Variants in WWC2 observed in about 807,000 individuals in gnomAD.
WWC2 encodes the protein protein WWC2.
In WWC2, 101 loss-of-function variants were observed where a neutral mutation model predicts 138.5. The observed-to-expected ratio is 0.73, with a 90% CI of 0.62 to 0.86. The LOEUF is 0.86. WWC2 is among the 40% of genes least tolerant of loss of function. The pLI, the probability that WWC2 is intolerant of heterozygous loss-of-function variation, is 0.00. For synonymous variants in WWC2, 558 were observed against 538.4 expected, an observed-to-expected ratio of 1.04 and a Z score of -0.50; for missense variants, 1,420 against 1,419.4, an observed-to-expected ratio of 1.00 and a Z score of -0.01.
intron 1 of WWC2, among the ~76,000 whole-genome samples, chr4:183,114,759 G>C (rs184356128): frequency 4.7e-4 from 72 of 152,030 alleles, no homozygotes; most frequent in Admixed American, 3.7e-3. Context: ...CGGGGGTTTG[G>C]TGTACAAATT....
intron 16 of WWC2, among the ~76,000 whole-genome samples, chr4:183,273,959 G>T (rs182284101): frequency 6.6e-6 from 1 of 152,180 alleles, no homozygotes; most frequent in African/African-American, 2.4e-5. Context: ...TGGATATGCA[G>T]TTGTCCCAGC....
intron 1 of WWC2, among the ~76,000 whole-genome samples, chr4:183,140,714 T>C (rs1733276092): frequency 6.6e-6 from 1 of 152,218 alleles, no homozygotes. Context: ...AATAAGACCT[T>C]GGAAGAACAG....
intron 4 of WWC2, among the ~76,000 whole-genome samples, chr4:183,229,933 T>TC (rs1736192692): frequency 6.6e-6 from 1 of 152,008 alleles, no homozygotes; most frequent in Non-Finnish European, 1.5e-5. Context: ...CAAGCAATCC[T>TC]CCCACCTCAG....
intron 4 of WWC2, among the ~76,000 whole-genome samples, chr4:183,221,265 G>A (rs969126253): frequency 6.6e-6 from 1 of 152,166 alleles, no homozygotes; most frequent in African/African-American, 2.4e-5. Context: ...AAAGATGTAT[G>A]CACATGCTAA....
intron 21 of WWC2, among the ~76,000 whole-genome samples, chr4:183,296,005 C>T (rs1159809100): frequency 2.6e-5 from 4 of 152,214 alleles, no homozygotes; most frequent in Non-Finnish European, 4.4e-5. Context: ...TTTTCACTTT[C>T]ATCTCCTAAT....
chr4:183,160,446 C>G (rs559631484), intron 1 of WWC2, among the ~76,000 whole-genome samples: 8 of 152,298 alleles, frequency 5.3e-5, no homozygotes, highest in African/African-American at 1.7e-4. Flanking sequence ...AGAGGTAGAC[C>G]TGCATGAAGC....
intron 4 of WWC2, among the ~76,000 whole-genome samples, chr4:183,235,065 A>G (rs1736374969): frequency 6.6e-6 from 1 of 152,202 alleles, no homozygotes; most frequent in Non-Finnish European, 1.5e-5. Context: ...GGAAATATTC[A>G]TTTCACTTAT....
chr4:183,287,997 G>T (rs1429636890), intron 20 of WWC2, among the ~76,000 whole-genome samples: 2 of 152,204 alleles, frequency 1.3e-5, no homozygotes, highest in Admixed American at 6.5e-5. Context: ...TGTATGTGGA[G>T]TCCTTAGGCT....
At chr4:183,237,924 T>C (rs1049138203) in intron 4 of WWC2, among the ~76,000 whole-genome samples, 2 of 152,174 alleles carry the variant, frequency 1.3e-5, no homozygotes, top group Non-Finnish European at 2.9e-5. Flanking sequence ...TCTCTGTCTC[T>C]AGTAGACATG....
intron 4 of WWC2, among the ~76,000 whole-genome samples, chr4:183,237,314 A>G (rs1262807060): frequency 6.7e-6 from 1 of 149,600 alleles, no homozygotes; most frequent in African/African-American, 2.5e-5. Flanking sequence ...TTTTTTTTTC[A>G]AAAGATAAAA....
intron 1 of WWC2, among the ~76,000 whole-genome samples, chr4:183,156,059 C>T (rs925769263): frequency 1.3e-5 from 2 of 151,232 alleles, no homozygotes; most frequent in Non-Finnish European, 2.9e-5. Flanking sequence ...CGGAATCTTG[C>T]TCTGCCGCCC....
At chr4:183,212,480 A>G (rs1735626037) in intron 4 of WWC2, among the ~76,000 whole-genome samples, 2 of 152,192 alleles carry the variant, frequency 1.3e-5, no homozygotes, top group Non-Finnish European at 2.9e-5. Flanking sequence ...TTATCTTACA[A>G]AAAAGGAAAT....
intron 16 of WWC2, among the ~76,000 whole-genome samples, chr4:183,272,417 A>G (rs1737720369): frequency 6.6e-6 from 1 of 152,254 alleles, no homozygotes; most frequent in Non-Finnish European, 1.5e-5. Context: ...TTATTACAAT[A>G]TAATTCATAC....
At chr4:183,279,965 G>T (rs558316162) in intron 16 of WWC2, among the ~76,000 whole-genome samples, 1 of 152,100 alleles carries the variant, frequency 6.6e-6, no homozygotes, top group Non-Finnish European at 1.5e-5. Flanking sequence ...AATGCCTTTA[G>T]TGTATGGATC....
At chr4:183,187,319 C>T (rs148915759) in intron 1 of WWC2, among the ~76,000 whole-genome samples, 2,429 of 151,936 alleles carry the variant, frequency 0.016, 69 homozygotes, top group African/African-American at 0.056. Flanking sequence ...TTTGGGAGGC[C>T]GAGGCGGGTG....
At chr4:183,113,307 A>G (rs1732294839) in intron 1 of WWC2, among the ~76,000 whole-genome samples, 1 of 151,934 alleles carries the variant, frequency 6.6e-6, no homozygotes, top group Admixed American at 6.6e-5. Context: ...GAAATGAGGC[A>G]GAGAAGTATT....
At chr4:183,127,383 A>G (rs541580517) in intron 1 of WWC2, among the ~76,000 whole-genome samples, 22 of 152,228 alleles carry the variant, frequency 1.4e-4, no homozygotes, top group Non-Finnish European at 2.9e-4. Context: ...TAAGCCCGAC[A>G]GGAAGAAAAA....
intron 18 of WWC2, among the ~76,000 whole-genome samples, chr4:183,283,375 A>G (rs1236302774): frequency 6.6e-6 from 1 of 152,250 alleles, no homozygotes; most frequent in Non-Finnish European, 1.5e-5. Context: ...TTAAACAGGT[A>G]ACTTTGCTAG....
At chr4:183,148,872 A>T (rs1733551081) in intron 1 of WWC2, among the ~76,000 whole-genome samples, 3 of 152,158 alleles carry the variant, frequency 2.0e-5, no homozygotes, top group African/African-American at 7.2e-5. Flanking sequence ...CATGCCTGCA[A>T]TCCTGAGGCA....
Sources: gnomAD v4.1 joint callset for allele counts (sites outside exome capture counted in the v4.1 genomes callset) on GRCh38, gnomAD v4.1.1 for gene constraint, MANE v1.5 for transcripts, NCBI Gene and HGNC (gene_info 2026-07-23, HGNC 2026-07-21) for gene names.